Variants in ACTR3C observed in about 807,000 individuals in gnomAD.
ACTR3C encodes the protein actin-related protein 3C.
In ACTR3C, 18 loss-of-function variants were observed where a neutral mutation model predicts 26.3. The observed-to-expected ratio is 0.68, with a 90% confidence interval of 0.47 to 1.01. The LOEUF is 1.01. ACTR3C is among the 50% of genes least tolerant of loss of function. The probability of loss-of-function intolerance (pLI) is 0.00; values close to 1 mark genes in which losing one functional copy is unlikely to be tolerated. For missense variants in ACTR3C, 184 were observed against 250.7 expected, an observed-to-expected ratio of 0.73 and a Z score of 1.80; for synonymous variants, 55 against 94.5, an observed-to-expected ratio of 0.58 and a Z score of 2.42.
At chr7:149,896,754 C>T in the ACTR3C span, among the ~76,000 whole-genome samples, 1 of 151,704 alleles carries the variant, frequency 6.6e-6, no homozygotes, top group African/African-American at 2.4e-5. Flanking sequence ...TAAATTATAT[C>T]AAATCCTTAG....
chr7:150,088,514 T>C, the ACTR3C span, among the ~76,000 whole-genome samples: 3 of 152,244 alleles, frequency 2.0e-5, no homozygotes, highest in Non-Finnish European at 2.9e-5. Flanking sequence ...GGACTAAACC[T>C]GGCTCTAATA....
At chr7:150,191,397 A>T in the ACTR3C span, among the ~76,000 whole-genome samples, 1 of 152,352 alleles carries the variant, frequency 6.6e-6, no homozygotes, top group Non-Finnish European at 1.5e-5. Flanking sequence ...TTCTTTAATC[A>T]GTTTTATACA....
the ACTR3C span, among the ~76,000 whole-genome samples, chr7:149,943,668 G>A: frequency 2.0e-5 from 3 of 152,024 alleles, no homozygotes; most frequent in Non-Finnish European, 4.4e-5. Flanking sequence ...CCGAGATCCC[G>A]CCATTGCACT....
the ACTR3C span, among the ~76,000 whole-genome samples, chr7:150,197,944 C>A: frequency 6.6e-6 from 1 of 150,814 alleles, no homozygotes; most frequent in African/African-American, 2.5e-5. Flanking sequence ...CGGCTCACTG[C>A]AACCTCCCTG....
chr7:149,981,297 C>T, the ACTR3C span, among the ~76,000 whole-genome samples: 2 of 151,972 alleles, frequency 1.3e-5, no homozygotes, highest in Admixed American at 1.3e-4. Context: ...CACCCATGGA[C>T]AATCAAGATG....
intron 5 of ACTR3C, 149 bp downstream of exon 5, chr7:150,286,218 C>G: frequency 9.0e-7 from 1 of 1,108,866 alleles, no homozygotes; most frequent in South Asian, 1.7e-5. Context: ...AACAATCTGT[C>G]AAGCAGACAA....
the ACTR3C span, among the ~76,000 whole-genome samples, chr7:150,004,150 GGTGT>G: frequency 2.8e-5 from 4 of 140,638 alleles, no homozygotes; most frequent in African/African-American, 5.2e-5. Context: ...TGGTGTATTT[GGTGT>G]GTGTGTGGTG....
chr7:149,949,043 C>T, the ACTR3C span, among the ~76,000 whole-genome samples: 4 of 147,226 alleles, frequency 2.7e-5, no homozygotes, highest in African/African-American at 1.1e-4. Context: ...AGGCCAGGTG[C>T]TGCAGCTCAC....
Position 150,293,361 on chromosome 7 carries a change from G to A in ACTR3C, c.104C>T (p.Thr35Met), listed in dbSNP as rs775952807. The A allele has an allele frequency of 1.2e-5, 19 of 1,607,636 alleles. No individual in the cohort carries two copies. The highest frequency in any genetic ancestry group is 2.7e-5 in the African/African-American group (2 of 74,784). ...ATCTCCGCTGTCAATGACTATCCCCGTTAATGTACGTTCACCCACTTGTCG... is the reference window on the plus strand; with the variant it reads ...ATCTCCGCTGTCAATGACTATCCCCATTAATGTACGTTCACCCACTTGTCG... ...TSRQVGERTLTGIVIDSGDGV... is the reference protein window; with the variant it reads ...TSRQVGERTLMGIVIDSGDGV... The change falls in exon 3 of 8, where the codon ACG becomes ATG. Residue 35 changes from threonine (T) to methionine (M), a missense_variant. Transcript: ENST00000683684.
the ACTR3C span, among the ~76,000 whole-genome samples, chr7:150,048,699 G>A: frequency 1.3e-5 from 2 of 152,226 alleles, no homozygotes; most frequent in African/African-American, 4.8e-5. Flanking sequence ...AGCTCTTCTT[G>A]CCTAACTTGA....
the ACTR3C span, among the ~76,000 whole-genome samples, chr7:149,906,322 A>G: frequency 6.6e-6 from 1 of 150,816 alleles, no homozygotes; most frequent in East Asian, 1.9e-4. Flanking sequence ...CCATTTATTC[A>G]TTTACTCTGA....
At chr7:150,242,606 A>T (rs1380409142), downstream of ACTR3C, among the ~76,000 whole-genome samples, 1 of 152,224 alleles carries the variant, frequency 6.6e-6, no homozygotes, top group Non-Finnish European at 1.5e-5. Flanking sequence ...TAATAGTTTG[A>T]GTGGTTAAGT....
chr7:150,237,587 G>A, the ACTR3C span, among the ~76,000 whole-genome samples: 15 of 152,202 alleles, frequency 9.9e-5, no homozygotes, highest in African/African-American at 3.4e-4. Context: ...TCACGGTAAC[G>A]CCCTGGAAGA....
At chr7:150,269,143 G>T (rs1172845600) in intron 6 of ACTR3C, among the ~76,000 whole-genome samples, 1 of 54,318 alleles carries the variant, frequency 1.8e-5, no homozygotes, top group Non-Finnish European at 3.4e-5. Flanking sequence ...GGGGACAAGG[G>T]GGACCTGCCA....
intron 1 of ACTR3C, among the ~76,000 whole-genome samples, chr7:150,319,160 A>G (rs1480223682): frequency 1.3e-4 from 19 of 151,332 alleles, no homozygotes; most frequent in Admixed American, 1.2e-3. Context: ...AAGTCGAGTG[A>G]CTCTGAAATT....
chr7:150,098,248 A>C, the ACTR3C span, among the ~76,000 whole-genome samples: 23,865 of 151,448 alleles, frequency 0.16, 2,472 homozygotes, highest in African/African-American at 0.23. Context: ...GTTGAGAAAG[A>C]TTTTATCCTT....
At chr7:150,315,907 G>A (rs1796830608) in intron 1 of ACTR3C, among the ~76,000 whole-genome samples, 2 of 151,504 alleles carry the variant, frequency 1.3e-5, no homozygotes, top group Admixed American at 6.6e-5. Context: ...ATTTAAAAAC[G>A]AATGCATAGG....
At chr7:149,938,669 A>G in the ACTR3C span, among the ~76,000 whole-genome samples, 1 of 152,122 alleles carries the variant, frequency 6.6e-6, no homozygotes, top group Non-Finnish European at 1.5e-5. Flanking sequence ...TTATTGAGAT[A>G]GAAGAACCCC....
intron 1 of ACTR3C, among the ~76,000 whole-genome samples, chr7:150,305,752 G>A (rs2531007): frequency 6.6e-6 from 1 of 152,166 alleles, no homozygotes; most frequent in East Asian, 1.9e-4. Context: ...CCACATAACC[G>A]GTGTAAGCTG....
Sources: gnomAD v4.1 joint callset for allele counts (sites outside exome capture counted in the v4.1 genomes callset) on GRCh38, gnomAD v4.1.1 for gene constraint, MANE v1.5 for transcripts, NCBI Gene and HGNC (gene_info 2026-07-23, HGNC 2026-07-21) for gene names.